Variants in MYH6 observed in about 807,000 individuals in gnomAD.
MYH6 encodes myosin heavy chain 6.
A neutral mutation model predicts 223.2 loss-of-function variants in MYH6; 126 were observed. The observed-to-expected ratio is 0.56, with a 90% confidence interval of 0.49 to 0.65. MYH6 has a LOEUF of 0.65. MYH6 is among the 30% of genes least tolerant of loss of function. The pLI is 0.00. For synonymous variants in MYH6, 978 were observed against 1,010.2 expected (o/e 0.97, Z 0.61); for missense variants, 2,040 against 2,536.4 (o/e 0.80, Z 4.20).
At position 23,407,007 on chromosome 14, in the gene MYH6, G is replaced by A. The variant is rs7147244; in HGVS notation, c.201+16C>T. 0.038 allele frequency: 61,351 copies of A among 1,612,258 alleles called. 1,700 individuals are homozygous for A. Among genetic ancestry groups the A allele is most frequent in the African/African-American group, 0.14 (10,228 of 74,900 alleles). ...AGACCTCCTTCCCTTCTGCCCCGGC[G>A]CCATGCCCTACTCACCTTCCCATTC... On this transcript the variant is annotated intron_variant, in intron 3 of 38. Transcript: ENST00000405093. This position sits in a 1 kb window ranked among gnomAD's most constrained non-coding sequence, Gnocchi z 5.6.
intron 6 of MYH6, 112 bp downstream of exon 6, chr14:23,404,988 C>T (rs1045412611): frequency 1.3e-6 from 2 of 1,550,044 alleles, no homozygotes; most frequent in Non-Finnish European, 1.8e-6. Context: ...GAGCTCAGTG[C>T]CCCATGCTCC....
chr14:23,407,521 G>C lies in MYH6; in HGVS notation c.-14+55C>G, dbSNP rs1891827629. On this transcript the variant is annotated intron_variant, in intron 2 of 38. Transcript: ENST00000405093. The surrounding 1 kb of genome is among the most constrained non-coding windows in gnomAD (Gnocchi z 5.6). ...AGCAGACCCCTGGTCCAGCAATCCGGCTCCCAGGAGAAGCATGCCCCAGTC... is the reference window on the plus strand; with the variant it reads ...AGCAGACCCCTGGTCCAGCAATCCGCCTCCCAGGAGAAGCATGCCCCAGTC... The C allele has an allele frequency of 5.4e-6, 7 of 1,303,580 alleles. No individual in the cohort carries two copies. The South Asian group carries it at 9.5e-5, about 18-fold the overall frequency. 80.8% of individuals were successfully genotyped at this position (1,303,580 alleles called of 1,614,324 possible). A position where few individuals can be genotyped will look rare whatever the true frequency, so the allele number is the denominator to read the frequency against.
rs1302123371 is a variant in MYH6 at position 23,398,578 on chromosome 14, A to G, written c.1891+150T>C. On this transcript the variant is annotated intron_variant, in intron 15 of 38. Coordinates refer to ENST00000405093, the MANE Select transcript of MYH6 (RefSeq NM_002471.4). ...AGAACGGCAGGTGCTACAGAAGCCC[A>G]GCTGGACTGTGGTGAGGTGAGCCAG... 4 of 849,278 alleles carry G rather than the reference A, an allele frequency of 4.7e-6. No homozygotes were observed. The African/African-American group carries it at 5.0e-5, about 11-fold the overall frequency. 52.6% of individuals were successfully genotyped at this position (849,278 alleles called of 1,614,324 possible). A position where few individuals can be genotyped will look rare whatever the true frequency, so the allele number is the denominator to read the frequency against.
At position 23,389,922 on chromosome 14, in the gene MYH6, G is replaced by A. The variant is rs79877116; in HGVS notation, c.3732+135C>T. The A allele has an allele frequency of 2.3e-5, 36 of 1,562,222 alleles. No individual in the cohort carries two copies. The East Asian group carries it at 7.9e-4, about 34-fold the overall frequency. ...GGGTGAGGAGAGCCAGAGAGGGGCAGGGGAGACAGGAAGAGAGACCAAAGG... is the reference window on the plus strand; with the variant it reads ...GGGTGAGGAGAGCCAGAGAGGGGCAAGGGAGACAGGAAGAGAGACCAAAGG... On this transcript the variant is annotated intron_variant, in intron 26 of 38. Coordinates refer to ENST00000405093, the MANE Select transcript of MYH6 (RefSeq NM_002471.4).
chr14:23,396,114 A>AGAAG (rs1555334145), intron 20 of MYH6, among the ~76,000 whole-genome samples, 170 bp downstream of exon 20: 4 of 144,636 alleles, frequency 2.8e-5, no homozygotes, highest in African/African-American at 7.5e-5. Flanking sequence ...AAAAAAAAAA[A>AGAAG]AAGAAGAAGA....
chr14:23,383,940 C>G (rs552161909), intron 36 of MYH6, among the ~76,000 whole-genome samples: 18 of 152,142 alleles, frequency 1.2e-4, no homozygotes, highest in African/African-American at 4.1e-4. Context: ...GACTGACACC[C>G]TCGTCTCCTT....
At chr14:23,406,845 C>A (rs1035244361) in intron 3 of MYH6, among the ~76,000 whole-genome samples, 178 bp downstream of exon 3, 1 of 152,110 alleles carries the variant, frequency 6.6e-6, no homozygotes. Context: ...CCTGTTGCAC[C>A]AGCTCAGGTC....
At chr14:23,406,306 G>A (rs1891785191) in intron 3 of MYH6, among the ~76,000 whole-genome samples, 1 of 152,192 alleles carries the variant, frequency 6.6e-6, no homozygotes, top group Non-Finnish European at 1.5e-5. Context: ...CCTGCCAGTA[G>A]GTATTCCAGT....
At chr14:23,403,119 G>C (rs1037045866) in intron 10 of MYH6, among the ~76,000 whole-genome samples, 2 of 151,994 alleles carry the variant, frequency 1.3e-5, no homozygotes, top group Admixed American at 1.3e-4. Context: ...GAGGAGTGGA[G>C]AGAAGGGTGG....
In MYH6 at chr14:23,393,447, A is replaced by C; in HGVS notation, c.3000T>G (p.Ala1000=). ...IIAKLTKEKK[A]LQEAHQQALD... ...GGGCCTGCTGATGGGCCTCTTGTAG[A>C]GCTTTCTTCTCCTTGGTCAGCTTAG... Residue 1000 remains alanine, a synonymous_variant, in exon 23 of 39, where the codon GCT becomes GCG. Coordinates refer to ENST00000405093, the MANE Select transcript of MYH6 (RefSeq NM_002471.4). The C allele has an allele frequency of 6.2e-7, 1 of 1,614,086 alleles. No individual in the cohort carries two copies. Among genetic ancestry groups the C allele is most frequent in the Non-Finnish European group, 8.5e-7 (1 of 1,180,030 alleles).
chr14:23,385,836 C>G, intron 34 of MYH6, 92 bp downstream of exon 34: 2 of 1,561,526 alleles, frequency 1.3e-6, no homozygotes, highest in South Asian at 2.2e-5. Flanking sequence ...GTGACCCTGG[C>G]TAGATGTGCT....
chr14:23,391,145 C>T (rs543323135), intron 25 of MYH6, among the ~76,000 whole-genome samples: 5 of 152,302 alleles, frequency 3.3e-5, no homozygotes, highest in East Asian at 1.9e-4. Flanking sequence ...GGGAGAATAT[C>T]GTATCTACCA....
Position 23,393,437 on chromosome 14 carries a change from C to T in MYH6, c.3010G>A (p.Ala1004Thr), listed in dbSNP as rs143978652. Residue 1004 changes from alanine to threonine, a missense_variant, in exon 23 of 39, where the codon GCC (alanine) becomes ACC (threonine). By Grantham distance (58) the Ala-to-Thr change is moderately conservative (BLOSUM62 0). Coordinates refer to ENST00000405093, the MANE Select transcript of MYH6 (RefSeq NM_002471.4). ...LTKEKKALQEAHQQALDDLQV... is the reference protein window; with the variant it reads ...LTKEKKALQETHQQALDDLQV... Reference sequence around the variant, plus strand: ...AGGTCATCCAGGGCCTGCTGATGGGCCTCTTGTAGAGCTTTCTTCTCCTTG... The same window carrying T: ...AGGTCATCCAGGGCCTGCTGATGGGTCTCTTGTAGAGCTTTCTTCTCCTTG... 1.2e-6 allele frequency: 2 copies of T among 1,614,160 alleles called. No homozygotes were observed. The highest frequency in any genetic ancestry group is 1.7e-5 in the Admixed American group (1 of 60,018).
Position 23,400,759 on chromosome 14 carries a change from G to T in MYH6, c.1360C>A (p.Arg454Ser). The T allele has an allele frequency of 1.2e-6, 2 of 1,614,240 alleles. No individual in the cohort carries two copies. Among genetic ancestry groups the T allele is most frequent in the Non-Finnish European group, 1.7e-6 (2 of 1,180,052 alleles). ...TCCAGGACTCCTATGAAGTACTGGCGTGGCTGCTTGGTCTCCAGGGTGGCG... is the reference window on the plus strand; with the variant it reads ...TCCAGGACTCCTATGAAGTACTGGCTTGGCTGCTTGGTCTCCAGGGTGGCG... ...INATLETKQP[R>S]QYFIGVLDIA... The change falls in exon 13 of 39, where the codon CGC becomes AGC. Residue 454 changes from arginine to serine, a missense_variant. By Grantham distance (110) the Arg-to-Ser change is moderately radical. Transcript: ENST00000405093.
In MYH6 at chr14:23,382,662, C is replaced by G; in HGVS notation, c.5662-100G>C. The G allele has an allele frequency of 1.9e-6, 3 of 1,545,504 alleles. No individual in the cohort carries two copies. In the Admixed American group the frequency reaches 5.0e-5, roughly 26 times the overall value. ...TCCAGCTCCCTGTCCCTGAGGCACC[C>G]ATACCTCATGCATATTCCTGCAACA... is the stretch of plus-strand genomic sequence containing the variant. On this transcript the variant is annotated intron_variant, in intron 37 of 38. Transcript: ENST00000405093.
chr14:23,407,508 G>C lies in MYH6; in HGVS notation c.-14+68C>G. On this transcript the variant is annotated intron_variant, in intron 2 of 38. Transcript: ENST00000405093. This position sits in a 1 kb window ranked among gnomAD's most constrained non-coding sequence, Gnocchi z 5.6. ...GAGTGCTTGGGACAGCAGACCCCTGGTCCAGCAATCCGGCTCCCAGGAGAA... is the reference window on the plus strand; with the variant it reads ...GAGTGCTTGGGACAGCAGACCCCTGCTCCAGCAATCCGGCTCCCAGGAGAA... The C allele has an allele frequency of 7.6e-7, 1 of 1,321,852 alleles. No homozygotes were observed. The highest frequency in any genetic ancestry group is 1.6e-5 in the South Asian group (1 of 63,378). 81.9% of individuals were successfully genotyped at this position (1,321,852 alleles called of 1,614,324 possible). A position where few individuals can be genotyped will look rare whatever the true frequency, so the allele number is the denominator to read the frequency against.
In MYH6 at chr14:23,383,339, G is replaced by GGGGGGCCCCCCC; in HGVS notation, c.5566-20_5566-19insGGGGGGGCCCCC. The GGGGGGCCCCCCC allele has an allele frequency of 3.7e-5, 4 of 108,174 alleles. No homozygotes were observed. Among genetic ancestry groups the GGGGGGCCCCCCC allele is most frequent in the Non-Finnish European group, 5.5e-5 (3 of 54,368 alleles). 6.7% of individuals were successfully genotyped at this position (108,174 alleles called of 1,614,324 possible). A position where few individuals can be genotyped will look rare whatever the true frequency, so the allele number is the denominator to read the frequency against. ...CCTCTGTCTGGGGGTGGGAGGGTGG[G>GGGGGGCCCCCCC]AGAAGCTGGTTTGGAGGGGGAGCAA... On this transcript the variant is annotated intron_variant, in intron 36 of 38. Coordinates refer to ENST00000405093, the MANE Select transcript of MYH6 (RefSeq NM_002471.4).
intron 25 of MYH6, among the ~76,000 whole-genome samples, chr14:23,391,818 C>G (rs1197850580): frequency 2.0e-5 from 3 of 152,162 alleles, no homozygotes; most frequent in Admixed American, 6.5e-5. Context: ...TTCATTAAAG[C>G]TAAGGGAGAC....
Position 23,383,339 on chromosome 14 carries a change from G to GGGGGGCCCCCCCCC in MYH6, c.5566-20_5566-19insGGGGGGGGGCCCCC. ...CCTCTGTCTGGGGGTGGGAGGGTGG[G>GGGGGGCCCCCCCCC]AGAAGCTGGTTTGGAGGGGGAGCAA... On this transcript the variant is annotated intron_variant, in intron 36 of 38. Transcript: ENST00000405093. The GGGGGGCCCCCCCCC allele has an allele frequency of 9.2e-6, 1 of 108,148 alleles. No individual in the cohort carries two copies. Among genetic ancestry groups the GGGGGGCCCCCCCCC allele is most frequent in the Non-Finnish European group, 1.8e-5 (1 of 54,346 alleles). 6.7% of individuals were successfully genotyped at this position (108,148 alleles called of 1,614,324 possible). A position where few individuals can be genotyped will look rare whatever the true frequency, so the allele number is the denominator to read the frequency against.
Sources: allele counts gnomAD v4.1 joint callset (sites outside exome capture counted in the v4.1 genomes callset), GRCh38; gene constraint gnomAD v4.1.1; non-coding constraint Gnocchi (gnomAD v3.1); transcripts MANE v1.5; gene names NCBI Gene and HGNC (gene_info 2026-07-23, HGNC 2026-07-21).